SMYD3: variants seen among roughly 807,000 people sequenced by gnomAD.
SMYD3 encodes histone-lysine N-methyltransferase SMYD3.
A neutral mutation model predicts 57.7 loss-of-function variants in SMYD3; 36 were observed. The observed-to-expected ratio is 0.62, with a 90% confidence interval of 0.48 to 0.82. The LOEUF (loss-of-function observed/expected upper bound fraction) is 0.82. Among genes scored for constraint, SMYD3 ranks in the 40% least tolerant of loss-of-function variants. SMYD3 has a pLI of 0.00. For synonymous variants in SMYD3, 211 were observed against 195.0 expected (o/e 1.08, Z -0.68); for missense variants, 515 against 538.8 (o/e 0.96, Z 0.44).
At chr1:245,884,262 G>A (rs866544630) in intron 8 of SMYD3, among the ~76,000 whole-genome samples, 1 of 152,160 alleles carries the variant, frequency 6.6e-6, no homozygotes. Context: ...TGGTTGTCTG[G>A]GGTAAATACC....
intron 5 of SMYD3, among the ~76,000 whole-genome samples, chr1:246,289,216 C>T (rs73142854): frequency 0.1 from 15,158 of 152,190 alleles, 1,450 homozygotes; most frequent in African/African-American, 0.24. Context: ...TCATATTACT[C>T]TAGAGCACTG....
At chr1:246,439,501 C>T (rs879174491) in intron 1 of SMYD3, among the ~76,000 whole-genome samples, 4 of 152,162 alleles carry the variant, frequency 2.6e-5, no homozygotes, top group Admixed American at 2.0e-4. Context: ...CTCATAGGCA[C>T]ACCAACAATT....
At chr1:246,446,907 T>A (rs575979565) in intron 1 of SMYD3, among the ~76,000 whole-genome samples, 35 of 151,830 alleles carry the variant, frequency 2.3e-4, no homozygotes, top group African/African-American at 8.5e-4. Flanking sequence ...CACATGCCTG[T>A]AATCCCAGCT....
chr1:245,814,843 TGCAC>T (rs1214645722), intron 10 of SMYD3, among the ~76,000 whole-genome samples: 1 of 147,124 alleles, frequency 6.8e-6, no homozygotes, highest in Non-Finnish European at 1.5e-5. Flanking sequence ...CGCACACACA[TGCAC>T]GCACACACAC....
At chr1:246,375,107 A>AT (rs1381344110) in intron 1 of SMYD3, among the ~76,000 whole-genome samples, 1 of 152,184 alleles carries the variant, frequency 6.6e-6, no homozygotes, top group Non-Finnish European at 1.5e-5. Context: ...ATTAAAAAAA[A>AT]TAAAATAAGG....
At chr1:246,312,235 T>G (rs2065092187) in intron 5 of SMYD3, among the ~76,000 whole-genome samples, 1 of 152,092 alleles carries the variant, frequency 6.6e-6, no homozygotes. Flanking sequence ...ACAAAGGCAG[T>G]AGGGAATCAA....
rs1354790515 is a variant in SMYD3, at chr1:246,475,200, C to T, written c.164+31854G>A. Among the ~76,000 whole-genome samples the T allele has an allele frequency of 5.9e-5, 9 of 151,842 alleles. No individual in the cohort carries two copies. In the South Asian group the frequency reaches 6.2e-4, roughly 11 times the overall value. On this transcript the variant is annotated intron_variant, in intron 1 of 11. Transcript: ENST00000490107. Reference sequence around the variant, plus strand: ...ACAAAAAATTAGCCAGGCATGGTGGCAGGCGCCTGTAATCCCAGCTACTTG... The same window carrying T: ...ACAAAAAATTAGCCAGGCATGGTGGTAGGCGCCTGTAATCCCAGCTACTTG...
chr1:246,330,590 T>C, intron 3 of SMYD3, 53 bp from the exon 4 acceptor site: 1 of 1,489,758 alleles, frequency 6.7e-7, no homozygotes. Flanking sequence ...TTCCAATATA[T>C]AAACAAATAA....
chr1:246,070,063 C>T (rs1470651506), intron 5 of SMYD3, among the ~76,000 whole-genome samples: 3 of 152,076 alleles, frequency 2.0e-5, no homozygotes, highest in Non-Finnish European at 4.4e-5. Flanking sequence ...GAGATGGTTG[C>T]CCTGCCCGTC....
intron 5 of SMYD3, among the ~76,000 whole-genome samples, chr1:245,974,051 GC>G (rs1207263865): frequency 6.6e-6 from 1 of 152,038 alleles, no homozygotes; most frequent in Non-Finnish European, 1.5e-5. Flanking sequence ...AAATCAGGCT[GC>G]CCTTCCTCCA....
chr1:246,304,722 T>A (rs2064951363), intron 5 of SMYD3, among the ~76,000 whole-genome samples: 1 of 152,180 alleles, frequency 6.6e-6, no homozygotes, highest in Non-Finnish European at 1.5e-5. Flanking sequence ...GCCTAATCGC[T>A]GTACAACTCT....
At chr1:246,394,129 GA>G (rs2148773190) in intron 1 of SMYD3, among the ~76,000 whole-genome samples, 1 of 152,220 alleles carries the variant, frequency 6.6e-6, no homozygotes, top group South Asian at 2.1e-4. Flanking sequence ...ATACTAGTAG[GA>G]CAATCATGTA....
intron 10 of SMYD3, among the ~76,000 whole-genome samples, chr1:245,797,693 T>TATAA (rs2047599762): frequency 1.3e-5 from 2 of 151,340 alleles, no homozygotes; most frequent in African/African-American, 4.9e-5. Context: ...GATAGATAGA[T>TATAA]AGATATAAAG....
intron 5 of SMYD3, among the ~76,000 whole-genome samples, chr1:246,290,282 T>C (rs1335315686): frequency 6.6e-6 from 1 of 152,208 alleles, no homozygotes; most frequent in Admixed American, 6.5e-5. Context: ...TTGGCCAATT[T>C]CTACTGTCGC....
intron 5 of SMYD3, among the ~76,000 whole-genome samples, chr1:246,018,192 C>G (rs949455690): frequency 6.6e-6 from 1 of 152,196 alleles, no homozygotes; most frequent in Non-Finnish European, 1.5e-5. Flanking sequence ...TTTATTTCTA[C>G]ACAGCTCTTT....
intron 5 of SMYD3, among the ~76,000 whole-genome samples, chr1:246,037,949 G>A (rs2059805051): frequency 6.6e-6 from 1 of 152,128 alleles, no homozygotes; most frequent in Admixed American, 6.6e-5. Flanking sequence ...GGACCATAAG[G>A]TCCCTGTTGC....
intron 1 of SMYD3, among the ~76,000 whole-genome samples, chr1:246,363,473 T>C (rs1188579042): frequency 2.1e-4 from 32 of 152,050 alleles, no homozygotes. Context: ...TTTTGTGGAA[T>C]AGAAAAGGGG....
chr1:246,246,845 C>CTATA (rs10649022), intron 5 of SMYD3, among the ~76,000 whole-genome samples: 26,179 of 149,286 alleles, frequency 0.18, 2,947 homozygotes, highest in East Asian at 0.56. Flanking sequence ...TACATATATA[C>CTATA]TATATATATA....
intron 5 of SMYD3, among the ~76,000 whole-genome samples, chr1:246,097,777 C>T (rs1218009510): frequency 6.6e-6 from 1 of 152,102 alleles, no homozygotes; most frequent in Non-Finnish European, 1.5e-5. Flanking sequence ...GTCCGGGGCC[C>T]TAGACCTAAA....
Sources: allele counts gnomAD v4.1 joint callset (sites outside exome capture counted in the v4.1 genomes callset), GRCh38; gene constraint gnomAD v4.1.1; transcripts MANE v1.5; gene names NCBI Gene and HGNC (gene_info 2026-07-23, HGNC 2026-07-21).